Variants in ANO6 observed in about 807,000 individuals in gnomAD.
The protein encoded by ANO6 is anoctamin 6, also known as anoctamin-6.
ANO6 carries 106 observed loss-of-function variants against 117.5 expected under a neutral mutation model. The ratio of observed to expected loss-of-function variants is 0.90; its 90% CI spans 0.77 to 1.06. ANO6 has a LOEUF of 1.06. ANO6 is among the 50% of genes least tolerant of loss of function. The pLI, the probability that ANO6 is intolerant of heterozygous loss-of-function variation, is 0.00. For missense variants in ANO6, 955 were observed against 1,121.1 expected, an observed-to-expected ratio of 0.85 and a Z score of 2.12; for synonymous variants, 367 against 385.1, an observed-to-expected ratio of 0.95 and a Z score of 0.55.
At chr12:45,292,527 C>A in intron 1 of ANO6, 1 of 446,904 alleles carries the variant, frequency 2.2e-6, no homozygotes, top group Non-Finnish European at 3.0e-6. Flanking sequence ...CTAATGAATT[C>A]ACAGTGAATC....
At chr12:45,396,162 ATG>A (rs1942606084) in intron 12 of ANO6, among the ~76,000 whole-genome samples, 3 of 152,230 alleles carry the variant, frequency 2.0e-5, no homozygotes, top group Admixed American at 6.5e-5. Flanking sequence ...TACAAAATCA[ATG>A]TGCAAAAATC....
intron 1 of ANO6, among the ~76,000 whole-genome samples, chr12:45,228,512 A>T (rs1054688413): frequency 3.0e-4 from 46 of 152,090 alleles, no homozygotes; most frequent in African/African-American, 8.0e-4. Flanking sequence ...TGCGGAAGGA[A>T]ACATTTAAGA....
chr12:45,239,604 G>T (rs1947705622), intron 1 of ANO6, among the ~76,000 whole-genome samples: 1 of 151,366 alleles, frequency 6.6e-6, no homozygotes, highest in Non-Finnish European at 1.5e-5. Flanking sequence ...GAATGTGTTT[G>T]CTCTTGCTTC....
chr12:45,242,434 A>G (rs1947759973), intron 1 of ANO6, among the ~76,000 whole-genome samples: 1 of 152,254 alleles, frequency 6.6e-6, no homozygotes, highest in African/African-American at 2.4e-5. Flanking sequence ...TGGGAAAAGC[A>G]CAGTAGTTAG....
intron 3 of ANO6, among the ~76,000 whole-genome samples, chr12:45,345,399 C>T (rs1048655256): frequency 6.6e-6 from 1 of 152,184 alleles, no homozygotes; most frequent in African/African-American, 2.4e-5. Context: ...CATCCCCACT[C>T]TGTCCCTTTA....
Position 45,216,123 on chromosome 12 carries a change from A to G in ANO6, c.-199A>G. 1.7e-6 allele frequency: 1 copy of G among 592,524 alleles called. No homozygotes were observed. Among genetic ancestry groups the G allele is most frequent in the Non-Finnish European group, 3.0e-6 (1 of 337,970 alleles). 36.7% of individuals were successfully genotyped at this position (592,524 alleles called of 1,614,324 possible). On this transcript the variant is annotated 5_prime_UTR_variant, in exon 1 of 20. Transcript: ENST00000320560. ...CTCCGGGCTCCGCTCGGCAGGCGAG[A>G]GGCGTCCTCCGGCTCTGGGCTCCGG...
chr12:45,305,241 A>G (rs1168677651), intron 2 of ANO6, among the ~76,000 whole-genome samples: 3 of 152,164 alleles, frequency 2.0e-5, no homozygotes, highest in Admixed American at 6.6e-5. Context: ...GTCCAGGTGA[A>G]AGGGACCCGG....
chr12:45,332,899 A>G (rs1242871570), intron 3 of ANO6, among the ~76,000 whole-genome samples: 3 of 152,068 alleles, frequency 2.0e-5, no homozygotes, highest in East Asian at 1.9e-4. Flanking sequence ...AGAACTCAGA[A>G]GAGTGGAAAG....
intron 3 of ANO6, among the ~76,000 whole-genome samples, chr12:45,339,410 T>C (rs1940916454): frequency 6.6e-6 from 1 of 152,164 alleles, no homozygotes; most frequent in Admixed American, 6.6e-5. Flanking sequence ...AATAGTTATC[T>C]TGGCAGTGAA....
At chr12:45,231,767 A>G (rs1001255510) in intron 1 of ANO6, among the ~76,000 whole-genome samples, 1 of 152,180 alleles carries the variant, frequency 6.6e-6, no homozygotes, top group Non-Finnish European at 1.5e-5. Context: ...CACAGCCTAC[A>G]AATCATAGAG....
intron 2 of ANO6, among the ~76,000 whole-genome samples, chr12:45,317,513 G>T (rs1219310304): frequency 6.6e-6 from 1 of 151,704 alleles, no homozygotes; most frequent in South Asian, 2.1e-4. Context: ...TCTTAATCCA[G>T]TCTATCATTG....
At position 45,401,975 on chromosome 12, in the gene ANO6, C is replaced by T; in HGVS notation, c.1567C>T (p.Leu523=). The change falls in exon 13 of 20, where the codon CTG becomes TTG. Residue 523 remains leucine, a synonymous_variant. Transcript: ENST00000320560. ...SIISFIIIMI[L]NTIYEKVAIM... ...CATCAGCTTTATAATTATCATGATT[C>T]TGAACACCATATATGAAAAAGTGGC... The T allele has an allele frequency of 1.2e-6, 2 of 1,614,012 alleles. No individual in the cohort carries two copies. Among genetic ancestry groups the T allele is most frequent in the Non-Finnish European group, 1.7e-6 (2 of 1,179,982 alleles).
Position 45,255,818 on chromosome 12 carries a change from G to GTTTTTTTTTTTTTTTTTT in ANO6, c.70+39430_70+39447dup, listed in dbSNP as rs551517877. 1.6e-3 allele frequency among the ~76,000 whole-genome samples: 131 copies of GTTTTTTTTTTTTTTTTTT among 81,686 alleles called. 4 individuals are homozygous for GTTTTTTTTTTTTTTTTTT. Among genetic ancestry groups the GTTTTTTTTTTTTTTTTTT allele is most frequent in the Admixed American group, 7.1e-3 (51 of 7,218 alleles). The allele number at this position is 81,686 out of a possible 152,430, so 53.6% of individuals were successfully genotyped here. Reference sequence around the variant, plus strand: ...CTGGCCCCAGGTTTTCTCCCTGGGTGTTTTTTTTTTTTTTTTTTTTGAGAC... The same window carrying GTTTTTTTTTTTTTTTTTT: ...CTGGCCCCAGGTTTTCTCCCTGGGTGTTTTTTTTTTTTTTTTTTTTTTTTTTTTTTTTTTTTTTGAGAC... On this transcript the variant is annotated intron_variant, in intron 1 of 19. Transcript: ENST00000320560.
At chr12:45,265,601 G>A (rs1191514952) in intron 1 of ANO6, among the ~76,000 whole-genome samples, 1 of 152,142 alleles carries the variant, frequency 6.6e-6, no homozygotes, top group Non-Finnish European at 1.5e-5. Context: ...AGATTAGGAA[G>A]CTGAGACTTT....
chr12:45,436,353 CTG>C (rs1433523870), downstream of ANO6, among the ~76,000 whole-genome samples: 1 of 152,168 alleles, frequency 6.6e-6, no homozygotes, highest in Admixed American at 6.5e-5. Context: ...ATAGCAAGCT[CTG>C]AATAAATAGG....
At chr12:45,229,668 G>A (rs762401002) in intron 1 of ANO6, among the ~76,000 whole-genome samples, 12 of 149,554 alleles carry the variant, frequency 8.0e-5, no homozygotes, top group African/African-American at 1.7e-4. Context: ...GATTACAGGC[G>A]TGAGCCACTG....
chr12:45,324,349 A>G (rs189996113), intron 2 of ANO6, among the ~76,000 whole-genome samples: 53 of 152,336 alleles, frequency 3.5e-4, no homozygotes, highest in Admixed American at 1.1e-3. Flanking sequence ...TTTTTGAGTT[A>G]AAGGAAGAAA....
At chr12:45,439,044 G>C (rs1943740346) in intron 19 of ANO6, among the ~76,000 whole-genome samples, 1 of 152,230 alleles carries the variant, frequency 6.6e-6, no homozygotes, top group Non-Finnish European at 1.5e-5. Context: ...AAGAATGACA[G>C]TTGCTTGCTC....
At chr12:45,300,121 A>G (rs1293558718) in intron 1 of ANO6, among the ~76,000 whole-genome samples, 2 of 152,190 alleles carry the variant, frequency 1.3e-5, no homozygotes, top group African/African-American at 2.4e-5. Flanking sequence ...AAAACATAGT[A>G]TGCATTTTTA....
Sources: allele counts gnomAD v4.1 joint callset (sites outside exome capture counted in the v4.1 genomes callset), GRCh38; gene constraint gnomAD v4.1.1; transcripts MANE v1.5; gene names NCBI Gene and HGNC (gene_info 2026-07-23, HGNC 2026-07-21).